The following RTCA variants were observed in gnomAD, a reference collection of about 807,000 sequenced individuals.
RTCA encodes the protein RNA 3'-terminal phosphate cyclase, also known as RNA terminal phosphate cyclase domain 1.
Under a neutral mutation model 46.1 loss-of-function variants are expected in RTCA, and 37 were observed. The observed-to-expected ratio is 0.80, with a 90% CI of 0.62 to 1.06. The LOEUF is 1.06. Among genes scored for constraint, RTCA ranks in the 50% least tolerant of loss-of-function variants. RTCA has a pLI of 0.00. For synonymous variants in RTCA, 164 were observed against 158.3 expected, an observed-to-expected ratio of 1.04 and a Z score of -0.27; for missense variants, 435 against 455.5, an observed-to-expected ratio of 0.95 and a Z score of 0.41.
In RTCA at chr1:100,267,284, GGT is replaced by G. The variant is rs1665836874; in HGVS notation, c.146+661_146+662del. On this transcript the variant is annotated intron_variant, in intron 2 of 10. Transcript: ENST00000370128. ...ATTTATTACATTTTAATAAATCAGC[GGT>G]CTCAGTCTTTTGTCTACAGTTTTGA... 5 of 434,848 alleles carry G rather than the reference GGT, an allele frequency of 1.1e-5. No homozygotes were observed. The Admixed American group carries it at 2.0e-4, about 17-fold the overall frequency. The allele number at this position is 434,848 out of a possible 1,614,324, so 26.9% of individuals were successfully genotyped here.
At position 100,275,691 on chromosome 1, in the gene RTCA, A is replaced by G; in HGVS notation, c.708A>G (p.Lys236=). The change falls in exon 7 of 11, where the codon AAA becomes AAG. Residue 236 remains lysine, a synonymous_variant. Transcript: ENST00000370128. ...YVNIQPVQEP[K]DQAFGNGNGI... ...ACATCCAGCCTGTTCAAGAACCTAAAGACCAAGCATTTGGCAATGGAAATG... is the reference window on the plus strand; with the variant it reads ...ACATCCAGCCTGTTCAAGAACCTAAGGACCAAGCATTTGGCAATGGAAATG... The G allele has an allele frequency of 6.2e-7, 1 of 1,611,712 alleles. No individual in the cohort carries two copies. The highest frequency in any genetic ancestry group is 1.1e-5 in the South Asian group (1 of 90,448).
At chr1:100,291,255 T>C (rs1346911332) in intron 10 of RTCA, 148 bp from the exon 11 acceptor site, 1 of 559,830 alleles carries the variant, frequency 1.8e-6, no homozygotes, top group Non-Finnish European at 3.2e-6. Context: ...ATTAAGTTTC[T>C]TTCTCATCAA....
At chr1:100,273,753 A>G (rs1271664261) in intron 5 of RTCA, among the ~76,000 whole-genome samples, 1 of 152,230 alleles carries the variant, frequency 6.6e-6, no homozygotes, top group African/African-American at 2.4e-5. Flanking sequence ...CACTGTGTGT[A>G]GACAACTGGA....
chr1:100,273,383 G>A lies in RTCA; in HGVS notation c.415-11G>A. 1 of 1,550,738 alleles carries A rather than the reference G, an allele frequency of 6.4e-7. No individual in the cohort carries two copies. The highest frequency in any genetic ancestry group is 1.4e-5 in the African/African-American group (1 of 73,310). ...GCTGATTAACCTAATGATAAAAACTGATTTTTTCAGGTCTTCAAGCCAATT... is the reference window on the plus strand; with the variant it reads ...GCTGATTAACCTAATGATAAAAACTAATTTTTTCAGGTCTTCAAGCCAATT... On this transcript the variant is annotated splice_polypyrimidine_tract_variant and intron_variant, in intron 4 of 10. Coordinates refer to ENST00000370128, the MANE Select transcript of RTCA (RefSeq NM_003729.4).
At chr1:100,269,545 A>G (rs1161413706) in intron 3 of RTCA, among the ~76,000 whole-genome samples, 1 of 151,730 alleles carries the variant, frequency 6.6e-6, no homozygotes, top group African/African-American at 2.4e-5. Context: ...TGTTGCCCAG[A>G]TTGGTTTTGA....
chr1:100,291,405 T>A lies in RTCA; in HGVS notation c.1002T>A (p.Ala334=). 1 of 1,603,560 alleles carries A rather than the reference T, an allele frequency of 6.2e-7. No homozygotes were observed. The highest frequency in any genetic ancestry group is 1.7e-5 in the Admixed American group (1 of 59,180). ...AIHFAEQIAK[A]KFIVKKSEDE... ...ATATACTCCTCTTCTGATTTCAGGC[T>A]AAATTTATTGTGAAGAAATCAGAAG... Residue 334 remains alanine, a splice_region_variant and synonymous_variant, in exon 11 of 11, where the codon GCT becomes GCA. Transcript: ENST00000370128.
At chr1:100,266,692 G>A (rs1037377476) in intron 2 of RTCA, 68 bp downstream of exon 2, 4 of 1,362,090 alleles carry the variant, frequency 2.9e-6, no homozygotes, top group Non-Finnish European at 4.1e-6. Flanking sequence ...TGCCGGGCTG[G>A]GGCATCGGGA....
chr1:100,273,337 C>A, intron 4 of RTCA, 57 bp from the exon 5 acceptor site: 1 of 1,151,754 alleles, frequency 8.7e-7, no homozygotes, highest in Non-Finnish European at 1.2e-6. Flanking sequence ...AATAAATACA[C>A]TTGTTAAATT....
intron 9 of RTCA, 142 bp downstream of exon 9, chr1:100,285,464 G>A: frequency 3.3e-6 from 2 of 602,358 alleles, no homozygotes; most frequent in Non-Finnish European, 5.8e-6. Flanking sequence ...TCTGGGATTT[G>A]CATTCCTCAA....
chr1:100,273,790 A>G (rs576727859), intron 5 of RTCA, among the ~76,000 whole-genome samples: 1 of 152,320 alleles, frequency 6.6e-6, no homozygotes, highest in South Asian at 2.1e-4. Flanking sequence ...CATAAAAGGA[A>G]TTCTCTTCCA....
chr1:100,291,373 ATTAC>A (rs1221222598), intron 10 of RTCA, 26 bp from the exon 11 acceptor site: 1 of 1,443,164 alleles, frequency 6.9e-7, no homozygotes, highest in Middle Eastern at 1.9e-4. Context: ...CTCTCTTCGT[ATTAC>A]TTATATACTC....
chr1:100,291,884 G>A lies in RTCA; in HGVS notation c.*380G>A, dbSNP rs538243409. 1 of 153,170 alleles carries A rather than the reference G, an allele frequency of 6.5e-6. No homozygotes were observed. The highest frequency in any genetic ancestry group is 1.9e-4 in the East Asian group (1 of 5,228). 9.5% of individuals were successfully genotyped at this position (153,170 alleles called of 1,614,324 possible). A position where few individuals can be genotyped will look rare whatever the true frequency, so the allele number is the denominator to read the frequency against. On this transcript the variant is annotated 3_prime_UTR_variant, in exon 11 of 11. Transcript: ENST00000370128. ...GAAATCACATCTCAAGTATAATGAG[G>A]CAACTTTATGCAAATGTACTTGTTG...
rs1029066577 is a variant in RTCA at position 100,287,198 on chromosome 1, G to A, written c.994G>A (p.Ala332Thr). 4.5e-6 allele frequency: 7 copies of A among 1,560,516 alleles called. No homozygotes were observed. The highest frequency in any genetic ancestry group is 4.3e-6 in the Non-Finnish European group (5 of 1,157,722). The change falls in exon 10 of 11, where the codon GCA becomes ACA. Residue 332 changes from alanine (A) to threonine (T), a missense_variant. By Grantham distance (58) the Ala-to-Thr change is moderately conservative. Transcript: ENST00000370128. ...QTAIHFAEQI[A>T]KAKFIVKKSE... ...CGCGATACATTTTGCTGAACAAATA[G>A]CAAAGGTGAGTATTCTATCAGAAAG... is the stretch of plus-strand genomic sequence containing the variant.
intron 3 of RTCA, among the ~76,000 whole-genome samples, chr1:100,269,194 T>C (rs562173025): frequency 1.3e-5 from 2 of 151,820 alleles, no homozygotes; most frequent in East Asian, 1.9e-4. Context: ...GGAGCCCCTG[T>C]CTCAAAAAAA....
intron 10 of RTCA, among the ~76,000 whole-genome samples, chr1:100,288,975 A>G (rs926654375): frequency 3.9e-5 from 6 of 152,062 alleles, no homozygotes; most frequent in Non-Finnish European, 8.8e-5. Context: ...GGCGTGTGCC[A>G]CCATGTCCAG....
chr1:100,285,612 C>T (rs981300440), intron 9 of RTCA, among the ~76,000 whole-genome samples: 1 of 151,874 alleles, frequency 6.6e-6, no homozygotes, highest in Non-Finnish European at 1.5e-5. Context: ...TTCTAGTCTC[C>T]TTTGCTAGTT....
chr1:100,279,816 C>G (rs1343967376), intron 8 of RTCA, among the ~76,000 whole-genome samples: 1 of 152,010 alleles, frequency 6.6e-6, no homozygotes, highest in African/African-American at 2.4e-5. Flanking sequence ...CAAGCAACTG[C>G]AAGTGGATAA....
chr1:100,279,164 A>G (rs538856109), intron 8 of RTCA, among the ~76,000 whole-genome samples: 1 of 152,358 alleles, frequency 6.6e-6, no homozygotes, highest in South Asian at 2.1e-4. Context: ...AGTACTTAGC[A>G]GGCATTGGGA....
At chr1:100,269,567 C>T (rs897054222) in intron 3 of RTCA, among the ~76,000 whole-genome samples, 9 of 151,872 alleles carry the variant, frequency 5.9e-5, no homozygotes, top group Non-Finnish European at 1.3e-4. Flanking sequence ...CTCCTGGGCT[C>T]GAGTGATCAT....
Sources: gnomAD v4.1 joint callset for allele counts (sites outside exome capture counted in the v4.1 genomes callset) on GRCh38, gnomAD v4.1.1 for gene constraint, MANE v1.5 for transcripts, NCBI Gene and HGNC (gene_info 2026-07-23, HGNC 2026-07-21) for gene names.